Variants in BAZ2B observed in about 807,000 individuals in gnomAD.
BAZ2B encodes the protein bromodomain adjacent to zinc finger domain protein 2B.
Under a neutral mutation model 246.0 loss-of-function variants are expected in BAZ2B, and 91 were observed. The ratio of observed to expected loss-of-function variants is 0.37; its 90% CI spans 0.31 to 0.44. The LOEUF (loss-of-function observed/expected upper bound fraction) is 0.44. BAZ2B is among the 20% of genes least tolerant of loss of function. The pLI, the probability that BAZ2B is intolerant of heterozygous loss-of-function variation, is 1.00. For synonymous variants in BAZ2B, 855 were observed against 860.0 expected, an observed-to-expected ratio of 0.99 and a Z score of 0.10; for missense variants, 2,332 against 2,533.7, an observed-to-expected ratio of 0.92 and a Z score of 1.71.
chr2:159,571,781 A>G (rs914094617), intron 1 of BAZ2B, among the ~76,000 whole-genome samples: 2 of 152,228 alleles, frequency 1.3e-5, no homozygotes, highest in Non-Finnish European at 2.9e-5. Flanking sequence ...CCATCATAAC[A>G]GGATGGAAGG....
intron 3 of BAZ2B, among the ~76,000 whole-genome samples, chr2:159,465,933 G>A (rs1261780930): frequency 6.6e-6 from 1 of 151,304 alleles, no homozygotes; most frequent in South Asian, 2.1e-4. Flanking sequence ...AAAAATTCAA[G>A]AGACTTTATT....
intron 34 of BAZ2B, among the ~76,000 whole-genome samples, chr2:159,329,288 T>C (rs528147601): frequency 6.6e-6 from 1 of 152,290 alleles, no homozygotes; most frequent in South Asian, 2.1e-4. Context: ...TATTGGGTAT[T>C]ATAAATAATC....
At chr2:159,657,453 T>C in the BAZ2B span, among the ~76,000 whole-genome samples, 1 of 152,176 alleles carries the variant, frequency 6.6e-6, no homozygotes, top group Non-Finnish European at 1.5e-5. Context: ...GCATCTTTTG[T>C]CTTTACGTAT....
At chr2:159,698,523 A>G in the BAZ2B span, among the ~76,000 whole-genome samples, 12 of 145,906 alleles carry the variant, frequency 8.2e-5, 1 homozygote, top group African/African-American at 2.9e-4. Flanking sequence ...CACAAAAAAA[A>G]AAAAACAAAA....
At chr2:159,540,226 T>C (rs1029599237) in intron 2 of BAZ2B, among the ~76,000 whole-genome samples, 4 of 152,176 alleles carry the variant, frequency 2.6e-5, no homozygotes, top group Admixed American at 6.6e-5. Flanking sequence ...AGTGACAGTA[T>C]GTGAAGCATA....
At chr2:159,630,178 C>G in the BAZ2B span, among the ~76,000 whole-genome samples, 2 of 152,248 alleles carry the variant, frequency 1.3e-5, no homozygotes, top group South Asian at 4.1e-4. Context: ...AAAAAGCAGG[C>G]CAGTTGCACT....
At chr2:159,558,932 A>C (rs933238330) in intron 1 of BAZ2B, among the ~76,000 whole-genome samples, 62 of 152,100 alleles carry the variant, frequency 4.1e-4, no homozygotes, top group African/African-American at 1.4e-3. Flanking sequence ...CATCATACCA[A>C]ATTAGATCAG....
chr2:159,591,986 G>A (rs924973210), intron 1 of BAZ2B, among the ~76,000 whole-genome samples: 3 of 152,108 alleles, frequency 2.0e-5, no homozygotes, highest in Non-Finnish European at 2.9e-5. Flanking sequence ...CAGGCATGAT[G>A]GTGGGTGCCT....
At chr2:159,405,153 G>A in intron 14 of BAZ2B, 39 bp from the exon 15 acceptor site, 2 of 1,532,964 alleles carry the variant, frequency 1.3e-6, no homozygotes, top group East Asian at 2.3e-5. Flanking sequence ...TAACAACTTT[G>A]TGTAACTACT....
intron 1 of BAZ2B, among the ~76,000 whole-genome samples, chr2:159,571,695 GTT>G (rs1684049325): frequency 6.6e-6 from 1 of 152,148 alleles, no homozygotes; most frequent in Non-Finnish European, 1.5e-5. Flanking sequence ...AATAATAGCA[GTT>G]TATTTTGCTC....
the BAZ2B span, among the ~76,000 whole-genome samples, chr2:159,686,789 T>C: frequency 6.6e-6 from 1 of 152,140 alleles, no homozygotes; most frequent in African/African-American, 2.4e-5. Context: ...ACACCTGTAA[T>C]CCCAGCACTT....
chr2:159,613,801 C>T (rs1695231888), intron 1 of BAZ2B, among the ~76,000 whole-genome samples: 1 of 152,122 alleles, frequency 6.6e-6, no homozygotes, highest in African/African-American at 2.4e-5. Context: ...TTTTCACCTA[C>T]CTACAATTCA....
At position 159,404,839 on chromosome 2, in the gene BAZ2B, A is replaced by T. The variant is rs759890300; in HGVS notation, c.2832+10T>A. On this transcript the variant is annotated intron_variant, in intron 16 of 36. Transcript: ENST00000392783. Reference sequence around the variant, plus strand: ...ATATTTTAAAAGTCACTTCCAATGTATACACATACCTGCTGTTTCATAATC... The same window carrying T: ...ATATTTTAAAAGTCACTTCCAATGTTTACACATACCTGCTGTTTCATAATC... The T allele has an allele frequency of 4.3e-6, 7 of 1,609,384 alleles. No individual in the cohort carries two copies. The South Asian group carries it at 4.4e-5, about 10-fold the overall frequency.
intron 1 of BAZ2B, among the ~76,000 whole-genome samples, chr2:159,605,587 ACACTT>A (rs1693294863): frequency 6.6e-6 from 1 of 152,000 alleles, no homozygotes; most frequent in African/African-American, 2.4e-5. Context: ...ACGTCACAGA[ACACTT>A]CATTATAAAA....
At chr2:159,656,156 T>G in the BAZ2B span, among the ~76,000 whole-genome samples, 1 of 152,202 alleles carries the variant, frequency 6.6e-6, no homozygotes, top group Non-Finnish European at 1.5e-5. Context: ...GTGTAGCTAC[T>G]GATGTCTCTG....
chr2:159,440,799 A>G (rs2073253623), intron 6 of BAZ2B, among the ~76,000 whole-genome samples: 1 of 152,032 alleles, frequency 6.6e-6, no homozygotes, highest in Non-Finnish European at 1.5e-5. Context: ...GTGAGCCACC[A>G]CATCTGGCCT....
At chr2:159,694,692 C>T in the BAZ2B span, 1 of 152,188 alleles carries the variant, frequency 6.6e-6, no homozygotes, top group African/African-American at 2.4e-5. Context: ...AAATAATATT[C>T]CACTGGATGG....
At chr2:159,554,792 G>A (rs1484425843) in intron 2 of BAZ2B, among the ~76,000 whole-genome samples, 1 of 152,044 alleles carries the variant, frequency 6.6e-6, no homozygotes, top group Non-Finnish European at 1.5e-5. Flanking sequence ...TAAAGTTCAT[G>A]ATTGTAATTC....
the BAZ2B span, among the ~76,000 whole-genome samples, chr2:159,710,440 C>T: frequency 3.3e-5 from 5 of 152,094 alleles, no homozygotes; most frequent in Admixed American, 6.6e-5. Context: ...GATCTCCTGA[C>T]CTCGTGATCC....
Sources: allele counts gnomAD v4.1 joint callset (sites outside exome capture counted in the v4.1 genomes callset), GRCh38; gene constraint gnomAD v4.1.1; transcripts MANE v1.5; gene names NCBI Gene and HGNC (gene_info 2026-07-23, HGNC 2026-07-21).